The following SATB1 variants were observed in gnomAD, a reference collection of about 807,000 sequenced individuals.
The protein encoded by SATB1 is SATB homeobox 1.
Under a neutral mutation model 86.9 loss-of-function variants are expected in SATB1, and 11 were observed. The ratio of observed to expected loss-of-function variants is 0.13; its 90% CI spans 0.08 to 0.21. SATB1 has a LOEUF of 0.21. Among genes scored for constraint, SATB1 ranks in the 10% least tolerant of loss-of-function variants. The pLI is 1.00. For synonymous variants in SATB1, 357 were observed against 357.2 expected (o/e 1.00, Z 0.01); for missense variants, 551 against 937.6 (o/e 0.59, Z 5.39).
chr3:18,400,402 T>C (rs1478167890), intron 5 of SATB1, among the ~76,000 whole-genome samples: 2 of 152,212 alleles, frequency 1.3e-5, no homozygotes. Flanking sequence ...CACACACTGG[T>C]AGTATGACCT....
intron 10 of SATB1, 70 bp downstream of exon 10, chr3:18,351,922 G>T: frequency 6.9e-7 from 1 of 1,457,264 alleles, no homozygotes; most frequent in Non-Finnish European, 9.6e-7. Flanking sequence ...GAAGAGAAAC[G>T]CTAATTTCCC....
At chr3:18,351,776 G>T in intron 10 of SATB1, 1 of 567,534 alleles carries the variant, frequency 1.8e-6, no homozygotes, top group Non-Finnish European at 3.1e-6. Flanking sequence ...TGTTGCTTTG[G>T]TGGCTGGGAG....
At chr3:18,356,922 G>A (rs967676792) in intron 9 of SATB1, among the ~76,000 whole-genome samples, 11 of 151,848 alleles carry the variant, frequency 7.2e-5, no homozygotes, top group Admixed American at 3.9e-4. Context: ...TTTCCAGGAG[G>A]AAACAGACTT....
chr3:18,444,262 A>T lies in SATB1; in HGVS notation c.-25+1256T>A, dbSNP rs1472673017. Among the ~76,000 whole-genome samples, 1 of 151,824 alleles carries T rather than the reference A, an allele frequency of 6.6e-6. No homozygotes were observed. Among genetic ancestry groups the T allele is most frequent in the Non-Finnish European group, 1.5e-5 (1 of 67,990 alleles). On this transcript the variant is annotated intron_variant, in intron 1 of 3. Transcript: ENST00000415069. This position sits in a 1 kb window ranked among gnomAD's most constrained non-coding sequence, Gnocchi z 5.1. ...TTCCACTCCCCTTTCCTTTTCTAAA[A>T]GGGGCCATACCGGTGACCTGAAGGA...
At position 18,346,296 on chromosome 3, in the gene SATB1, G is replaced by A. The variant is rs1478921851; in HGVS notation, c.*2874C>T. ...TCCATGACAGATTCAGATGCACAAG[G>A]TTGAATATTACCCGTAAACTACCTG... On this transcript the variant is annotated 3_prime_UTR_variant, in exon 11 of 11. Transcript: ENST00000338745. 1 of 152,118 alleles carries A rather than the reference G, an allele frequency of 6.6e-6. No homozygotes were observed. Among genetic ancestry groups the A allele is most frequent in the African/African-American group, 2.4e-5 (1 of 41,442 alleles). 9.4% of individuals were successfully genotyped at this position (152,118 alleles called of 1,614,324 possible).
intron 1 of SATB1, among the ~76,000 whole-genome samples, chr3:18,437,307 A>G (rs961464986): frequency 1.3e-5 from 2 of 152,130 alleles, no homozygotes; most frequent in African/African-American, 4.8e-5. Flanking sequence ...TGACACTGGA[A>G]AGAAAAAAAA....
chr3:18,362,507 G>C (rs1694949805), intron 9 of SATB1, among the ~76,000 whole-genome samples: 1 of 151,974 alleles, frequency 6.6e-6, no homozygotes, highest in African/African-American at 2.4e-5. Context: ...CTCATGTATA[G>C]TAGCAAAGTC....
At chr3:18,395,107 T>C (rs905832781) in intron 6 of SATB1, among the ~76,000 whole-genome samples, 191 bp from the exon 7 acceptor site, 1 of 152,296 alleles carries the variant, frequency 6.6e-6, no homozygotes, top group South Asian at 2.1e-4. Flanking sequence ...TTCTACAAAC[T>C]TTGGAAATGG....
chr3:18,351,341 G>A (rs1261484229), intron 10 of SATB1: 2 of 1,552,826 alleles, frequency 1.3e-6, no homozygotes, highest in African/African-American at 2.7e-5. Context: ...CCATGGTGCA[G>A]GGGTCGGCAG....
In SATB1 at chr3:18,356,254, AG is replaced by A. The variant is rs567119620; in HGVS notation, c.1576-4060del. ...AAAGTCTTAAATCCATCTGCCACAA[AG>A]GAAATACTGTTATGTACTTTATAGT... On this transcript the variant is annotated intron_variant, in intron 9 of 10. Coordinates refer to ENST00000338745, the MANE Select transcript of SATB1 (RefSeq NM_002971.6). 2.4e-3 allele frequency among the ~76,000 whole-genome samples: 371 copies of A among 152,050 alleles called. 2 individuals carry two copies. The highest frequency in any genetic ancestry group is 8.5e-3 in the African/African-American group (355 of 41,548).
At chr3:18,422,374 C>G (rs1288505187) in intron 1 of SATB1, among the ~76,000 whole-genome samples, 1 of 152,140 alleles carries the variant, frequency 6.6e-6, no homozygotes, top group African/African-American at 2.4e-5. Context: ...CAATGTTAAT[C>G]TGGAAGTTTA....
At chr3:18,413,691 CAGG>C (rs1269259528) in intron 5 of SATB1, among the ~76,000 whole-genome samples, 3 of 151,938 alleles carry the variant, frequency 2.0e-5, no homozygotes, top group Non-Finnish European at 4.4e-5. Flanking sequence ...AGAGGGAAGA[CAGG>C]AGATTAGCTG....
chr3:18,435,302 A>G (rs1699021820), intron 2 of SATB1: 1 of 152,166 alleles, frequency 6.6e-6, no homozygotes, highest in Non-Finnish European at 1.5e-5. Flanking sequence ...AACAATAAAC[A>G]AGAGGAAATG....
At chr3:18,365,244 G>T (rs1028506388) in intron 9 of SATB1, among the ~76,000 whole-genome samples, 1 of 152,122 alleles carries the variant, frequency 6.6e-6, no homozygotes, top group Non-Finnish European at 1.5e-5. Flanking sequence ...ATTGTTACGG[G>T]TATTGACATC....
intron 4 of SATB1, among the ~76,000 whole-genome samples, 176 bp from the exon 5 acceptor site, chr3:18,415,410 C>G (rs528658976): frequency 6.6e-6 from 1 of 152,078 alleles, no homozygotes; most frequent in African/African-American, 2.4e-5. Context: ...TCTGCTGTAT[C>G]GATGCATGAA....
chr3:18,401,347 T>C (rs758214590), intron 5 of SATB1, among the ~76,000 whole-genome samples: 18 of 152,156 alleles, frequency 1.2e-4, no homozygotes, highest in African/African-American at 3.9e-4. Flanking sequence ...GCTGTCGTGA[T>C]AGAAATCATA....
chr3:18,354,489 A>T (rs1575079457), intron 9 of SATB1, among the ~76,000 whole-genome samples: 3 of 152,292 alleles, frequency 2.0e-5, no homozygotes, highest in Admixed American at 6.5e-5. Context: ...GATTTTTTTT[A>T]AACTCAGCTA....
chr3:18,417,128 A>T (rs1698157373), intron 2 of SATB1, 50 bp from the exon 3 acceptor site: 1 of 1,576,932 alleles, frequency 6.3e-7, no homozygotes. Flanking sequence ...ATCTTCAGAA[A>T]TACAGCTTGG....
intron 6 of SATB1, among the ~76,000 whole-genome samples, chr3:18,396,060 A>G (rs988520751): frequency 6.6e-5 from 10 of 152,210 alleles, no homozygotes; most frequent in African/African-American, 9.7e-5. Flanking sequence ...CGCAAAATAT[A>G]ACTAAGAATT....
Sources: gnomAD v4.1 joint callset for allele counts (sites outside exome capture counted in the v4.1 genomes callset) on GRCh38, gnomAD v4.1.1 for gene constraint, Gnocchi (gnomAD v3.1) non-coding constraint, MANE v1.5 for transcripts, NCBI Gene and HGNC (gene_info 2026-07-23, HGNC 2026-07-21) for gene names.